PDE5A: variants seen among roughly 807,000 people sequenced by gnomAD.
The protein encoded by PDE5A is phosphodiesterase 5A, also known as cGMP-specific 3',5'-cyclic phosphodiesterase.
In PDE5A, 67 loss-of-function variants were observed where a neutral mutation model predicts 110.2. The observed-to-expected ratio is 0.61, with a 90% CI of 0.50 to 0.75. PDE5A has a LOEUF of 0.75. PDE5A is among the 30% of genes least tolerant of loss of function. The pLI is 0.00. For missense variants in PDE5A, 862 were observed against 1,045.1 expected (o/e 0.82, Z 2.42); for synonymous variants, 328 against 351.2 (o/e 0.93, Z 0.74).
intron 1 of PDE5A, among the ~76,000 whole-genome samples, chr4:119,609,088 G>C (rs1729647186): frequency 6.6e-6 from 1 of 152,088 alleles, no homozygotes; most frequent in Non-Finnish European, 1.5e-5. Flanking sequence ...CCTGAACCCA[G>C]GAGGCTGAGC....
intron 2 of PDE5A, among the ~76,000 whole-genome samples, chr4:119,605,358 T>C (rs546817990): frequency 6.6e-6 from 1 of 152,252 alleles, no homozygotes; most frequent in South Asian, 2.1e-4. Context: ...CAAAGAAATC[T>C]TCCTCTGGCC....
chr4:119,541,630 G>C (rs1191362159), intron 10 of PDE5A: 1 of 152,104 alleles, frequency 6.6e-6, no homozygotes, highest in African/African-American at 2.4e-5. Flanking sequence ...AAGAGAGATT[G>C]AGGGAAATGT....
At chr4:119,501,558 C>G (rs1725335372) in intron 19 of PDE5A, among the ~76,000 whole-genome samples, 1 of 152,186 alleles carries the variant, frequency 6.6e-6, no homozygotes, top group Admixed American at 6.5e-5. Flanking sequence ...CTTGGCCTCC[C>G]AAAGTGCTGG....
At chr4:119,596,781 C>T (rs1214295089) in intron 2 of PDE5A, among the ~76,000 whole-genome samples, 169 bp from the exon 3 acceptor site, 5 of 151,922 alleles carry the variant, frequency 3.3e-5, no homozygotes, top group African/African-American at 1.2e-4. Flanking sequence ...TTATATTTGA[C>T]AAAGATAAAT....
At chr4:119,586,890 C>T (rs1345058045) in intron 3 of PDE5A, among the ~76,000 whole-genome samples, 2 of 152,154 alleles carry the variant, frequency 1.3e-5, no homozygotes. Context: ...GTACACAAAG[C>T]CTACCACATT....
intron 2 of PDE5A, among the ~76,000 whole-genome samples, chr4:119,600,324 T>C (rs1729299544): frequency 6.6e-6 from 1 of 152,168 alleles, no homozygotes. Context: ...TTCAGTTGTT[T>C]TTATTATAAT....
At chr4:119,608,928 G>A (rs764964897) in intron 1 of PDE5A, among the ~76,000 whole-genome samples, 42 of 152,082 alleles carry the variant, frequency 2.8e-4, no homozygotes, top group Admixed American at 1.2e-3. Flanking sequence ...TTGGGAGGCC[G>A]AGGCGGGCGG....
rs529963443 is a variant in PDE5A, at chr4:119,601,267, G to A, written c.742-4655C>T. Among the ~76,000 whole-genome samples, 11 of 152,238 alleles carry A rather than the reference G, an allele frequency of 7.2e-5. No individual in the cohort carries two copies. The South Asian group carries it at 2.3e-3, about 32-fold the overall frequency. ...CCCAACCTCTGGAGAGGGGAGACTG[G>A]CTGGAGATTGAATCCACTCACCAAT... On this transcript the variant is annotated intron_variant, in intron 2 of 20. Coordinates refer to ENST00000354960, the MANE Select transcript of PDE5A (RefSeq NM_001083.4).
At chr4:119,591,412 C>A (rs530018511) in intron 3 of PDE5A, among the ~76,000 whole-genome samples, 5 of 151,262 alleles carry the variant, frequency 3.3e-5, no homozygotes, top group African/African-American at 1.2e-4. Context: ...AGGGATTAAC[C>A]AGTTCCATCC....
At chr4:119,506,723 CTG>C (rs1725566273) in intron 16 of PDE5A, among the ~76,000 whole-genome samples, 1 of 151,782 alleles carries the variant, frequency 6.6e-6, no homozygotes, top group Non-Finnish European at 1.5e-5. Flanking sequence ...TTTTAATAAA[CTG>C]AAGTTTACTA....
intron 11 of PDE5A, among the ~76,000 whole-genome samples, chr4:119,533,893 A>T (rs1411437113): frequency 1.3e-5 from 2 of 151,938 alleles, no homozygotes; most frequent in African/African-American, 2.4e-5. Context: ...AGTTCCAAAT[A>T]AAAAAAATGA....
chr4:119,606,733 G>A lies in PDE5A; in HGVS notation c.717C>T (p.Pro239=), dbSNP rs1285834998. ...CCTCATATGCATCTTTGATGTTCAA[G>A]GGCTCACCAAGCGCTGCCACATGTC... The part of the protein sequence containing the change: ...IVGHVAALGE[P]LNIKDAYEDP... The change falls in exon 2 of 21, where the codon CCC becomes CCT. Residue 239 remains proline (P), a synonymous_variant. Transcript: ENST00000354960. 1.2e-6 allele frequency: 2 copies of A among 1,613,852 alleles called. No individual in the cohort carries two copies. The highest frequency in any genetic ancestry group is 1.7e-5 in the Admixed American group (1 of 59,992).
intron 14 of PDE5A, among the ~76,000 whole-genome samples, chr4:119,518,827 A>C (rs1441269989): frequency 1.3e-5 from 2 of 152,224 alleles, no homozygotes; most frequent in Non-Finnish European, 1.5e-5. Flanking sequence ...GTAATTATCT[A>C]ATGAAATAAG....
chr4:119,530,366 T>C (rs1488796079), intron 11 of PDE5A, among the ~76,000 whole-genome samples: 1 of 152,108 alleles, frequency 6.6e-6, no homozygotes, highest in Non-Finnish European at 1.5e-5. Flanking sequence ...CCAAGTGTAG[T>C]CTTATCCTAC....
intron 12 of PDE5A, among the ~76,000 whole-genome samples, chr4:119,522,474 T>C (rs1287335350): frequency 2.0e-5 from 3 of 151,944 alleles, no homozygotes; most frequent in Non-Finnish European, 4.4e-5. Context: ...GGTGATTAAT[T>C]AAAGCAGCAA....
intron 1 of PDE5A, among the ~76,000 whole-genome samples, chr4:119,607,529 G>A (rs1729583530): frequency 6.6e-6 from 1 of 152,124 alleles, no homozygotes; most frequent in Admixed American, 6.5e-5. Flanking sequence ...ATGAGGCCAG[G>A]AGTTGGAGAC....
chr4:119,574,179 CTTTTT>C (rs70944893), intron 3 of PDE5A, among the ~76,000 whole-genome samples: 1 of 89,176 alleles, frequency 1.1e-5, no homozygotes, highest in African/African-American at 4.6e-5. Flanking sequence ...AAAATATAGG[CTTTTT>C]TTTTTTTTTT....
chr4:119,604,017 T>C (rs981921629), intron 2 of PDE5A, among the ~76,000 whole-genome samples: 1 of 152,182 alleles, frequency 6.6e-6, no homozygotes, highest in African/African-American at 2.4e-5. Flanking sequence ...CTAATATCAA[T>C]ATAAATTAGA....
intron 7 of PDE5A, among the ~76,000 whole-genome samples, chr4:119,555,668 CATT>C (rs1271822851): frequency 1.3e-5 from 2 of 151,934 alleles, no homozygotes; most frequent in Non-Finnish European, 2.9e-5. Context: ...TTATCATCAT[CATT>C]ATTTTAAGAG....
Sources: allele counts gnomAD v4.1 joint callset (sites outside exome capture counted in the v4.1 genomes callset), GRCh38; gene constraint gnomAD v4.1.1; transcripts MANE v1.5; gene names NCBI Gene and HGNC (gene_info 2026-07-23, HGNC 2026-07-21).